HINFP: variants seen among roughly 807,000 people sequenced by gnomAD.
HINFP encodes the protein histone H4 transcription factor.
HINFP carries 20 observed loss-of-function variants against 50.1 expected under a neutral mutation model. The ratio of observed to expected loss-of-function variants is 0.40; its 90% CI spans 0.28 to 0.58. The LOEUF is 0.58. HINFP is among the 20% of genes least tolerant of loss of function. HINFP has a pLI of 0.45. For synonymous variants in HINFP, 247 were observed against 243.7 expected, an observed-to-expected ratio of 1.01 and a Z score of -0.13; for missense variants, 505 against 664.1, an observed-to-expected ratio of 0.76 and a Z score of 2.63.
At chr11:119,127,217 A>C (rs1947457502) in intron 2 of HINFP, 92 bp downstream of exon 2, 1 of 1,049,104 alleles carries the variant, frequency 9.5e-7, no homozygotes. Flanking sequence ...GGCCTAAGAG[A>C]ATGGTGGTTT....
chr11:119,124,633 G>A (rs572908143), intron 1 of HINFP: 4 of 152,146 alleles, frequency 2.6e-5, no homozygotes, highest in Admixed American at 1.3e-4. Context: ...TCCTGAATCC[G>A]AACTTCTCAC....
In HINFP at chr11:119,131,173, T is replaced by TG; in HGVS notation, c.411+220dup. On this transcript the variant is annotated intron_variant, in intron 3 of 9. Coordinates refer to ENST00000350777, the MANE Select transcript of HINFP (RefSeq NM_198971.3). This position sits in a 1 kb window ranked among gnomAD's most constrained non-coding sequence, Gnocchi z 4.2. ...GTACAATCATAGCTCACTGTAACCT[T>TG]GAACTCCTGGGCTCAAGCAATCCTC... 1.5e-6 allele frequency: 1 copy of TG among 674,398 alleles called. No homozygotes were observed. Among genetic ancestry groups the TG allele is most frequent in the East Asian group, 2.9e-5 (1 of 34,734 alleles). 41.8% of individuals were successfully genotyped at this position (674,398 alleles called of 1,614,324 possible).
At chr11:119,121,759 G>T (rs1947070840) in intron 1 of HINFP, 120 bp downstream of exon 1, 2 of 152,456 alleles carry the variant, frequency 1.3e-5, no homozygotes, top group Admixed American at 6.5e-5. Context: ...CCCTCACCCC[G>T]ACTGGAACCT....
chr11:119,126,840 G>A (rs527443598), intron 1 of HINFP, 95 bp from the exon 2 acceptor site: 40 of 1,054,272 alleles, frequency 3.8e-5, no homozygotes, highest in Middle Eastern at 3.1e-4. Flanking sequence ...GGAACAACAC[G>A]TGCTGATTCT....
In HINFP at chr11:119,133,201, CAG is replaced by C; in HGVS notation, c.1122_1123del (p.Gly375AlafsTer10). ...AAGAAGCACCAGTTCAAGTGGCCCT[CAG>C]GGCATCCCCGTTTTCGGTATGTCTC... On this transcript the variant is annotated frameshift_variant, in exon 9 of 10. Transcript: ENST00000350777. LOFTEE classifies it high-confidence loss of function. The C allele has an allele frequency of 6.2e-7, 1 of 1,614,176 alleles. No individual in the cohort carries two copies. The highest frequency in any genetic ancestry group is 8.5e-7 in the Non-Finnish European group (1 of 1,180,044).
Position 119,129,490 on chromosome 11 carries a change from C to CTTTTTTTTCTTTTTTTTTT in HINFP, c.182-1227_182-1226insCTTTTTTTTTTTTTTTTTT, listed in dbSNP as rs776476604. Among the ~76,000 whole-genome samples the CTTTTTTTTCTTTTTTTTTT allele has an allele frequency of 8.9e-5, 11 of 124,184 alleles. 1 individual carries two copies. The highest frequency in any genetic ancestry group is 3.4e-4 in the African/African-American group (11 of 32,592). 81.5% of individuals were successfully genotyped at this position (124,184 alleles called of 152,430 possible). ...TCTGGCAGGAATACATTTTTCTTTTCTTTTTTTTTTTTTTTGTGGGAGTGC... is the reference window on the plus strand; with the variant it reads ...TCTGGCAGGAATACATTTTTCTTTTCTTTTTTTTCTTTTTTTTTTTTTTTTTTTTTTTTTGTGGGAGTGC... On this transcript the variant is annotated intron_variant, in intron 2 of 9. Coordinates refer to ENST00000350777, the MANE Select transcript of HINFP (RefSeq NM_198971.3).
At position 119,133,903 on chromosome 11, in the gene HINFP, A is replaced by G. The variant is rs956390612; in HGVS notation, c.1140-181A>G. ...ATAAAACTTTCCATTTTGAGTAATGATCTTTCCCTCTTGCCTTTTCTTCTA... is the reference window on the plus strand; with the variant it reads ...ATAAAACTTTCCATTTTGAGTAATGGTCTTTCCCTCTTGCCTTTTCTTCTA... On this transcript the variant is annotated intron_variant, in intron 9 of 9. Coordinates refer to ENST00000350777, the MANE Select transcript of HINFP (RefSeq NM_198971.3). 5.1e-5 allele frequency: 37 copies of G among 729,782 alleles called. No homozygotes were observed. The Middle Eastern group carries it at 1.2e-3, about 23-fold the overall frequency. The allele number at this position is 729,782 out of a possible 1,614,324, so 45.2% of individuals were successfully genotyped here. A position where few individuals can be genotyped will look rare whatever the true frequency, so the allele number is the denominator to read the frequency against.
At chr11:119,128,561 C>G (rs185681992) in intron 2 of HINFP, among the ~76,000 whole-genome samples, 1 of 151,924 alleles carries the variant, frequency 6.6e-6, no homozygotes, top group East Asian at 1.9e-4. Context: ...CTCCTGACCT[C>G]AGGTGATCCG....
intron 1 of HINFP, among the ~76,000 whole-genome samples, chr11:119,123,367 A>C (rs865920281): frequency 1.3e-5 from 2 of 152,252 alleles, no homozygotes; most frequent in South Asian, 4.1e-4. Flanking sequence ...GTAGCTTCTC[A>C]ATAGATGTTC....
chr11:119,126,640 A>G (rs768241534), intron 1 of HINFP: 11 of 245,832 alleles, frequency 4.5e-5, no homozygotes, highest in Non-Finnish European at 7.8e-5. Flanking sequence ...ACAGAGGAAT[A>G]ATTCCTTCTT....
chr11:119,134,199 C>CTGA lies in HINFP; in HGVS notation c.1256_1258dup (p.Leu419_Asn420insMet), dbSNP rs1305332074. Reference sequence around the variant, plus strand: ...AGAGGGATCGGGCCTGGGAACGTCGCTGAACGAGAGCAGCCTGCAGGGCAT... The same window carrying CTGA: ...AGAGGGATCGGGCCTGGGAACGTCGCTGATGAACGAGAGCAGCCTGCAGGGCAT... On this transcript the variant is annotated inframe_insertion, in exon 10 of 10. Coordinates refer to ENST00000350777, the MANE Select transcript of HINFP (RefSeq NM_198971.3). This position sits in a 1 kb window ranked among gnomAD's most constrained non-coding sequence, Gnocchi z 4.3. 1.2e-6 allele frequency: 2 copies of CTGA among 1,614,110 alleles called. No homozygotes were observed. Among genetic ancestry groups the CTGA allele is most frequent in the Admixed American group, 3.3e-5 (2 of 60,002 alleles).
intron 2 of HINFP, chr11:119,130,433 G>A (rs1947688295): frequency 2.6e-6 from 1 of 383,220 alleles, no homozygotes; most frequent in Non-Finnish European, 4.8e-6. Flanking sequence ...ACTCATCACT[G>A]GTTGCAGTTT....
chr11:119,133,867 T>C (rs1947918370), intron 9 of HINFP: 1 of 618,716 alleles, frequency 1.6e-6, no homozygotes. Context: ...TTTTTCTGGT[T>C]GGGTTTCTAT....
At chr11:119,133,267 C>T (rs762395287) in intron 9 of HINFP, 48 bp downstream of exon 9, 1 of 1,604,778 alleles carries the variant, frequency 6.2e-7, no homozygotes, top group Non-Finnish European at 8.5e-7. Flanking sequence ...TGTTTTTATA[C>T]CTTTTCAACC....
At position 119,131,981 on chromosome 11, in the gene HINFP, T is replaced by G. The variant is rs2135074543; in HGVS notation, c.675T>G (p.Asp225Glu). 1 of 1,613,966 alleles carries G rather than the reference T, an allele frequency of 6.2e-7. No individual in the cohort carries two copies. The highest frequency in any genetic ancestry group is 8.5e-7 in the Non-Finnish European group (1 of 1,179,988). ...LDHIRRQTSL[D>E]QQHFQCSHCS... ...ACATCCGTCGCCAGACCTCATTGGA[T>G]CGTAAGTAGTCAGAGGAAGTGGGGT... is the stretch of plus-strand genomic sequence containing the variant. The change falls in exon 5 of 10, where the codon GAT (aspartate) becomes GAG (glutamate). Residue 225 changes from aspartate (D) to glutamate (E), a missense_variant and splice_region_variant. Coordinates refer to ENST00000350777, the MANE Select transcript of HINFP (RefSeq NM_198971.3). This position sits in a 1 kb window ranked among gnomAD's most constrained non-coding sequence, Gnocchi z 4.2.
chr11:119,127,336 G>A (rs1158048974), intron 2 of HINFP: 2 of 437,954 alleles, frequency 4.6e-6, no homozygotes, highest in African/African-American at 4.0e-5. Flanking sequence ...CCATCAAGAA[G>A]TAATTGCTGA....
At chr11:119,129,808 A>G (rs578001568) in intron 2 of HINFP, 2 of 152,296 alleles carry the variant, frequency 1.3e-5, no homozygotes, top group South Asian at 4.1e-4. Context: ...CTAACCCACT[A>G]GTGGGTCACA....
At chr11:119,121,900 T>G (rs2134999455) in intron 1 of HINFP, 1 of 152,502 alleles carries the variant, frequency 6.6e-6, no homozygotes, top group South Asian at 2.1e-4. Flanking sequence ...GTCTCCTTCC[T>G]TCTGTCCAAA....
intron 1 of HINFP, chr11:119,125,033 G>GTGTGTA (rs1406735845): frequency 7.6e-6 from 1 of 131,364 alleles, no homozygotes; most frequent in African/African-American, 2.9e-5. Context: ...GTGTGTGTGT[G>GTGTGTA]TGTTTTTTTT....
Sources: allele counts gnomAD v4.1 joint callset (sites outside exome capture counted in the v4.1 genomes callset), GRCh38; gene constraint gnomAD v4.1.1; non-coding constraint Gnocchi (gnomAD v3.1); transcripts MANE v1.5; gene names NCBI Gene and HGNC (gene_info 2026-07-23, HGNC 2026-07-21).